RIC1: variants seen among roughly 807,000 people sequenced by gnomAD.
The protein encoded by RIC1 is RIC1 partner of RAB6A GEF complex, also known as guanine nucleotide exchange factor subunit RIC1.
A neutral mutation model predicts 169.0 loss-of-function variants in RIC1; 88 were observed. That is an observed-to-expected ratio of 0.52 (90% CI 0.44 to 0.62). The LOEUF (loss-of-function observed/expected upper bound fraction) is 0.62, where lower values mean the gene tolerates loss of function less well. RIC1 is among the 20% of genes least tolerant of loss of function. The probability of loss-of-function intolerance (pLI) is 0.00; values close to 1 mark genes in which losing one functional copy is unlikely to be tolerated. For missense variants in RIC1, 1,877 were observed against 1,725.5 expected, an observed-to-expected ratio of 1.09 and a Z score of -1.56; for synonymous variants, 790 against 601.5, an observed-to-expected ratio of 1.31 and a Z score of -4.59.
Position 5,659,490 on chromosome 9 carries a change from G to C in RIC1, c.252+2800G>C, listed in dbSNP as rs149852488. On this transcript the variant is annotated intron_variant, in intron 2 of 25. Coordinates refer to ENST00000414202, the MANE Select transcript of RIC1 (RefSeq NM_020829.4). ...CATCATAAGTTCAGTATCATCTATA[G>C]TTTTGACTATTCTGAGCCAGTCCCT... 8.5e-3 allele frequency among the ~76,000 whole-genome samples: 1,296 copies of C among 152,198 alleles called. 17 individuals carry two copies. The highest frequency in any genetic ancestry group is 0.03 in the African/African-American group (1,244 of 41,536).
intron 11 of RIC1, 69 bp from the exon 12 acceptor site, chr9:5,747,233 C>T (rs746913096): frequency 8.0e-5 from 94 of 1,168,694 alleles, no homozygotes; most frequent in Non-Finnish European, 1.1e-4. Context: ...TTATTTTTGC[C>T]TGCGTAATAT....
intron 4 of RIC1, 77 bp from the exon 5 acceptor site, chr9:5,720,105 C>T: frequency 8.7e-7 from 1 of 1,153,840 alleles, no homozygotes; most frequent in South Asian, 1.6e-5. Context: ...CATGAGTATT[C>T]TCTAAAGCAG....
chr9:5,705,101 C>G (rs984982505), intron 3 of RIC1, among the ~76,000 whole-genome samples: 6 of 151,480 alleles, frequency 4.0e-5, no homozygotes, highest in African/African-American at 1.2e-4. Flanking sequence ...AATGTGAATT[C>G]TCCAACTTTG....
intron 2 of RIC1, among the ~76,000 whole-genome samples, chr9:5,684,685 C>G (rs1046212406): frequency 6.6e-6 from 1 of 152,094 alleles, no homozygotes; most frequent in African/African-American, 2.4e-5. Flanking sequence ...TACTTTTTCT[C>G]CCCAATTTAT....
chr9:5,704,215 C>CT lies in RIC1; in HGVS notation c.333-9669dup, dbSNP rs200354725. On this transcript the variant is annotated intron_variant, in intron 3 of 25. Transcript: ENST00000414202. The stretch of plus-strand genomic sequence containing the variant: ...TCTATTCAAGTCTTCTTCCCACTGT[C>CT]TTTTTTTTTTTTATTTTTTTAAAGA... Among the ~76,000 whole-genome samples the CT allele has an allele frequency of 2.5e-3, 364 of 145,374 alleles. 3 individuals are homozygous for CT. The East Asian group carries it at 0.042, about 17-fold the overall frequency.
intron 8 of RIC1, among the ~76,000 whole-genome samples, chr9:5,741,568 T>C (rs1294752146): frequency 6.6e-6 from 1 of 152,222 alleles, no homozygotes; most frequent in Non-Finnish European, 1.5e-5. Context: ...CAGTTATGCC[T>C]AATAATGTTG....
intron 2 of RIC1, among the ~76,000 whole-genome samples, chr9:5,672,027 C>A (rs972217925): frequency 1.3e-5 from 2 of 152,224 alleles, no homozygotes; most frequent in Non-Finnish European, 2.9e-5. Context: ...AGAGGTTGCA[C>A]AGGTGAACTC....
In RIC1 at chr9:5,775,242, T is replaced by TA. The variant is rs541996563; in HGVS notation, c.*997dup. On this transcript the variant is annotated 3_prime_UTR_variant, in exon 26 of 26. Transcript: ENST00000414202. ...GAATAAAGATGGACTTCTATGTAAATAGACTGCTGAATCCTGTATTACCAC... is the reference window on the plus strand; with the variant it reads ...GAATAAAGATGGACTTCTATGTAAATAAGACTGCTGAATCCTGTATTACCAC... 3.3e-5 allele frequency: 5 copies of TA among 152,338 alleles called. No homozygotes were observed. The highest frequency in any genetic ancestry group is 7.4e-5 in the Non-Finnish European group (5 of 68,020). 9.4% of individuals were successfully genotyped at this position (152,338 alleles called of 1,614,324 possible).
intron 2 of RIC1, among the ~76,000 whole-genome samples, chr9:5,667,752 G>T (rs889256276): frequency 1.3e-5 from 2 of 152,090 alleles, no homozygotes; most frequent in African/African-American, 4.8e-5. Flanking sequence ...CGATCATCCT[G>T]CCTTGGCCTG....
At position 5,757,389 on chromosome 9, in the gene RIC1, G is replaced by T. The variant is rs1385782523; in HGVS notation, c.1930G>T (p.Val644Leu). ...SRYIPHPFLVVSVTLTSVSTE... is the reference protein window; with the variant it reads ...SRYIPHPFLVLSVTLTSVSTE... ...CTACATTCCTCACCCTTTCCTGGTG[G>T]TATCTGTCACTCTGACATCAGTGAG... The change falls in exon 17 of 26, where the codon GTA (valine) becomes TTA (leucine). Residue 644 changes from valine (V) to leucine (L), a missense_variant. Coordinates refer to ENST00000414202, the MANE Select transcript of RIC1 (RefSeq NM_020829.4). 1.9e-6 allele frequency: 3 copies of T among 1,613,972 alleles called. No homozygotes were observed. The highest frequency in any genetic ancestry group is 1.1e-5 in the South Asian group (1 of 91,076).
intron 17 of RIC1, among the ~76,000 whole-genome samples, chr9:5,761,725 T>G (rs1276715673): frequency 6.6e-6 from 1 of 152,200 alleles, no homozygotes; most frequent in Non-Finnish European, 1.5e-5. Context: ...TCCTTCCTCT[T>G]TACAGATAGA....
intron 3 of RIC1, among the ~76,000 whole-genome samples, chr9:5,701,708 C>A (rs773522592): frequency 6.6e-6 from 1 of 151,878 alleles, no homozygotes; most frequent in African/African-American, 2.4e-5. Context: ...CTGTATAATT[C>A]GTACTATAAC....
intron 1 of RIC1, among the ~76,000 whole-genome samples, chr9:5,641,444 C>G (rs983356713): frequency 6.6e-6 from 1 of 152,114 alleles, no homozygotes; most frequent in African/African-American, 2.4e-5. Context: ...GTAACCTTCT[C>G]ATACTTGAAT....
intron 2 of RIC1, among the ~76,000 whole-genome samples, chr9:5,678,327 T>C (rs1265043555): frequency 1.3e-5 from 2 of 152,142 alleles, no homozygotes; most frequent in South Asian, 2.1e-4. Context: ...TGTGTCTTTA[T>C]AGCAGCATGA....
chr9:5,688,378 G>A (rs886679451), intron 2 of RIC1, among the ~76,000 whole-genome samples: 11 of 152,158 alleles, frequency 7.2e-5, no homozygotes, highest in South Asian at 2.1e-4. Context: ...ATCTCTCAAG[G>A]ATGACTGGCC....
At chr9:5,636,387 T>C (rs1467633323) in intron 1 of RIC1, among the ~76,000 whole-genome samples, 2 of 152,184 alleles carry the variant, frequency 1.3e-5, no homozygotes, top group Non-Finnish European at 2.9e-5. Context: ...TGGAGCGATC[T>C]CAACTCACTG....
At chr9:5,716,063 C>CA (rs1554672303) in intron 4 of RIC1, among the ~76,000 whole-genome samples, 10 of 152,010 alleles carry the variant, frequency 6.6e-5, no homozygotes, top group Non-Finnish European at 4.4e-5. Flanking sequence ...AGGCTGGTCT[C>CA]AAACTCCTAA....
At chr9:5,647,472 A>G (rs555098477) in intron 1 of RIC1, among the ~76,000 whole-genome samples, 6 of 152,144 alleles carry the variant, frequency 3.9e-5, no homozygotes, top group African/African-American at 7.2e-5. Context: ...ATTTGTGTCT[A>G]ATTTCTTTCA....
intron 8 of RIC1, 66 bp from the exon 9 acceptor site, chr9:5,742,798 GAAAAA>G (rs201838674): frequency 4.9e-6 from 5 of 1,023,580 alleles, no homozygotes; most frequent in African/African-American, 3.6e-5. Context: ...GATTGTATTT[GAAAAA>G]AAAAAAAAAA....
Sources: gnomAD v4.1 joint callset for allele counts (sites outside exome capture counted in the v4.1 genomes callset) on GRCh38, gnomAD v4.1.1 for gene constraint, MANE v1.5 for transcripts, NCBI Gene and HGNC (gene_info 2026-07-23, HGNC 2026-07-21) for gene names.